Variants in SDCCAG8 observed in about 807,000 individuals in gnomAD.
SDCCAG8 encodes SHH signaling and ciliogenesis regulator SDCCAG8, also known as serologically defined colon cancer antigen 8.
Under a neutral mutation model 101.8 loss-of-function variants are expected in SDCCAG8, and 74 were observed. The observed-to-expected ratio is 0.73, with a 90% CI of 0.60 to 0.88. The LOEUF is 0.88. Ranked by LOEUF, SDCCAG8 falls within the 40% of genes least tolerant of loss-of-function variation. The pLI is 0.00. For missense variants in SDCCAG8, 787 were observed against 822.6 expected (o/e 0.96, Z 0.53); for synonymous variants, 281 against 292.9 (o/e 0.96, Z 0.41).
intron 13 of SDCCAG8, among the ~76,000 whole-genome samples, chr1:243,400,116 G>C (rs1172557958): frequency 6.6e-6 from 1 of 152,176 alleles, no homozygotes; most frequent in Non-Finnish European, 1.5e-5. Context: ...TCTGTCACCA[G>C]TTCCTTTTGG....
intron 12 of SDCCAG8, among the ~76,000 whole-genome samples, chr1:243,375,926 G>A (rs1225491072): frequency 6.6e-6 from 1 of 152,122 alleles, no homozygotes; most frequent in Non-Finnish European, 1.5e-5. Context: ...TAGATTATTT[G>A]TTGATTTTGA....
chr1:243,340,560 T>G (rs1573422046), intron 10 of SDCCAG8, among the ~76,000 whole-genome samples: 1 of 152,152 alleles, frequency 6.6e-6, no homozygotes, highest in Non-Finnish European at 1.5e-5. Flanking sequence ...ACAGAGCCTC[T>G]TCTTTGTTGG....
chr1:243,270,762 A>G (rs1182940556), intron 2 of SDCCAG8, among the ~76,000 whole-genome samples: 1 of 151,652 alleles, frequency 6.6e-6, no homozygotes, highest in Non-Finnish European at 1.5e-5. Context: ...AACTTATTTT[A>G]TATCTATTAG....
rs544501776 is a variant in SDCCAG8 at position 243,499,937 on chromosome 1, C to G, written c.*152C>G. 2 of 718,562 alleles carry G rather than the reference C, an allele frequency of 2.8e-6. No homozygotes were observed. Among genetic ancestry groups the G allele is most frequent in the African/African-American group, 3.5e-5 (2 of 57,502 alleles). 44.5% of individuals were successfully genotyped at this position (718,562 alleles called of 1,614,324 possible). The stretch of plus-strand genomic sequence containing the variant: ...TGGTCCTCATCAACGCGGGCGCTGT[C>G]CCCGCACGCAGTCGGGCTGGAGCTG... On this transcript the variant is annotated 3_prime_UTR_variant, in exon 18 of 18. Transcript: ENST00000366541.
chr1:243,308,002 G>A lies in SDCCAG8; in HGVS notation c.754G>A (p.Glu252Lys). 6.2e-7 allele frequency: 1 copy of A among 1,613,922 alleles called. No homozygotes were observed. Among genetic ancestry groups the A allele is most frequent in the Non-Finnish European group, 8.5e-7 (1 of 1,179,982 alleles). The change falls in exon 8 of 18, where the codon GAA becomes AAA. Residue 252 changes from glutamate (E) to lysine (K), a missense_variant. Glu to Lys is a moderately conservative substitution (Grantham distance 56). Coordinates refer to ENST00000366541, the MANE Select transcript of SDCCAG8 (RefSeq NM_006642.5). ...QLKFLRNDLA[E>K]YQRTCEDLKE... ...CCCTCTTTTTAGGAACGACTTAGCT[G>A]AATATCAGAGAACTTGTGAAGATCT...
intron 12 of SDCCAG8, among the ~76,000 whole-genome samples, chr1:243,366,538 G>A (rs990163080): frequency 1.3e-5 from 2 of 151,916 alleles, no homozygotes; most frequent in African/African-American, 4.8e-5. Flanking sequence ...TGAAAATGAT[G>A]TTTAGACTTC....
intron 9 of SDCCAG8, among the ~76,000 whole-genome samples, chr1:243,325,568 A>G (rs1371709099): frequency 6.6e-6 from 1 of 152,084 alleles, no homozygotes; most frequent in Non-Finnish European, 1.5e-5. Context: ...TCTTTGTGGC[A>G]GTGAAAATGC....
intron 17 of SDCCAG8, among the ~76,000 whole-genome samples, chr1:243,489,908 G>A (rs1665968510): frequency 2.0e-5 from 3 of 152,164 alleles, no homozygotes; most frequent in African/African-American, 7.2e-5. Flanking sequence ...ATGAAACCTC[G>A]TTTGCTAAAT....
rs749219485 is a variant in SDCCAG8 at position 243,344,196 on chromosome 1, G to GT, written c.1357-13dup. Reference sequence around the variant, plus strand: ...GTAGATTCCAGCAGGTAATCATCCAGTTTTTTACAATCTAACAGGTGTGTG... The same window carrying GT: ...GTAGATTCCAGCAGGTAATCATCCAGTTTTTTTACAATCTAACAGGTGTGTG... On this transcript the variant is annotated intron_variant, in intron 11 of 17. Transcript: ENST00000366541. The GT allele has an allele frequency of 9.4e-6, 15 of 1,603,098 alleles. No homozygotes were observed. The highest frequency in any genetic ancestry group is 1.3e-5 in the African/African-American group (1 of 74,780).
At chr1:243,343,160 C>T (rs1344188912) in intron 11 of SDCCAG8, among the ~76,000 whole-genome samples, 1 of 152,164 alleles carries the variant, frequency 6.6e-6, no homozygotes. Context: ...TTAGTCTATT[C>T]TAATACCTCA....
chr1:243,408,534 G>A (rs2079947831), intron 13 of SDCCAG8, among the ~76,000 whole-genome samples: 1 of 152,268 alleles, frequency 6.6e-6, no homozygotes, highest in East Asian at 1.9e-4. Context: ...TGTCAAGATG[G>A]ATAATATGGC....
chr1:243,363,715 C>T (rs1280144677), intron 12 of SDCCAG8, among the ~76,000 whole-genome samples: 2 of 152,082 alleles, frequency 1.3e-5, no homozygotes, highest in Non-Finnish European at 2.9e-5. Flanking sequence ...TGGGTGAAAG[C>T]AGGAATTTTG....
intron 16 of SDCCAG8, among the ~76,000 whole-genome samples, chr1:243,441,455 T>TTCTTCATTTCTAGAATACTG (rs1558473965): frequency 1.3e-5 from 2 of 152,210 alleles, no homozygotes; most frequent in Non-Finnish European, 1.5e-5. Flanking sequence ...GTTGCTTTGG[T>TTCTTCATTTCTAGAATACTG]TCTTCATTTC....
chr1:243,418,006 T>C lies in SDCCAG8; in HGVS notation c.1783T>C (p.Phe595Leu). 1 of 1,613,012 alleles carries C rather than the reference T, an allele frequency of 6.2e-7. No homozygotes were observed. The highest frequency in any genetic ancestry group is 1.7e-4 in the Middle Eastern group (1 of 6,052). The change falls in exon 15 of 18, where the codon TTT (phenylalanine) becomes CTT (leucine). Residue 595 changes from phenylalanine (F) to leucine (L), a missense_variant. Physicochemically the swap from Phe to Leu is conservative, Grantham distance 22. Coordinates refer to ENST00000366541, the MANE Select transcript of SDCCAG8 (RefSeq NM_006642.5). ...QYLLLTSQNT[F>L]LTKLKEECCT... Reference sequence around the variant, plus strand: ...TTTGTTGCTGACCTCCCAGAATACATTTTTGACAAAGTTAAAGGAAGAATG... The same window carrying C: ...TTTGTTGCTGACCTCCCAGAATACACTTTTGACAAAGTTAAAGGAAGAATG...
intron 16 of SDCCAG8, among the ~76,000 whole-genome samples, chr1:243,464,468 C>G (rs1351943712): frequency 6.6e-6 from 1 of 152,174 alleles, no homozygotes; most frequent in African/African-American, 2.4e-5. Context: ...AATATTTCAT[C>G]AGGCAAGTAA....
At chr1:243,269,570 A>G (rs1391078927) in intron 1 of SDCCAG8, among the ~76,000 whole-genome samples, 1 of 151,908 alleles carries the variant, frequency 6.6e-6, no homozygotes, top group Non-Finnish European at 1.5e-5. Flanking sequence ...CACTTCAGCT[A>G]TGCAAATTTT....
chr1:243,349,316 A>G (rs571073934), intron 12 of SDCCAG8, among the ~76,000 whole-genome samples: 22 of 152,338 alleles, frequency 1.4e-4, no homozygotes, highest in Admixed American at 1.1e-3. Flanking sequence ...CCTGCTGTCT[A>G]TGTTACAAAT....
intron 1 of SDCCAG8, chr1:243,267,303 TA>T: frequency 4.5e-6 from 1 of 221,736 alleles, no homozygotes; most frequent in Non-Finnish European, 9.0e-6. Flanking sequence ...ATTCTTCTTT[TA>T]AGGTCCCGGT....
At chr1:243,353,185 C>T (rs1265193534) in intron 12 of SDCCAG8, among the ~76,000 whole-genome samples, 1 of 151,818 alleles carries the variant, frequency 6.6e-6, no homozygotes, top group Non-Finnish European at 1.5e-5. Context: ...AACATCCTTG[C>T]AGGGTGGTTA....
Sources: allele counts gnomAD v4.1 joint callset (sites outside exome capture counted in the v4.1 genomes callset), GRCh38; gene constraint gnomAD v4.1.1; transcripts MANE v1.5; gene names NCBI Gene and HGNC (gene_info 2026-07-23, HGNC 2026-07-21).